The following DHX35 variants were observed in gnomAD, a reference collection of about 807,000 sequenced individuals.
DHX35 encodes the protein probable ATP-dependent RNA helicase DHX35.
A neutral mutation model predicts 99.6 loss-of-function variants in DHX35; 84 were observed. The observed-to-expected ratio is 0.84, with a 90% CI of 0.71 to 1.01. The LOEUF (loss-of-function observed/expected upper bound fraction) is 1.01. Among genes scored for constraint, DHX35 ranks in the 50% least tolerant of loss-of-function variants. The pLI is 0.00. For synonymous variants in DHX35, 331 were observed against 316.2 expected, an observed-to-expected ratio of 1.05 and a Z score of -0.50; for missense variants, 852 against 888.5, an observed-to-expected ratio of 0.96 and a Z score of 0.52.
intron 21 of DHX35, among the ~76,000 whole-genome samples, chr20:39,036,987 G>A (rs1005908916): frequency 1.3e-5 from 2 of 152,122 alleles, no homozygotes; most frequent in South Asian, 2.1e-4. Context: ...GATCATTCAC[G>A]GCTCTGTTCC....
chr20:39,006,481 TG>T, intron 12 of DHX35, 125 bp downstream of exon 12: 1 of 990,252 alleles, frequency 1.0e-6, no homozygotes, highest in African/African-American at 1.6e-5. Context: ...CACAAGGCCC[TG>T]TGTAATCAGA....
At chr20:38,965,324 A>G (rs1435720798) in intron 1 of DHX35, among the ~76,000 whole-genome samples, 1 of 152,238 alleles carries the variant, frequency 6.6e-6, no homozygotes, top group Non-Finnish European at 1.5e-5. Context: ...CAAGATATGA[A>G]GTAGGTTGTG....
chr20:39,007,915 AAC>A (rs1199343733), intron 12 of DHX35, among the ~76,000 whole-genome samples: 7 of 152,238 alleles, frequency 4.6e-5, no homozygotes, highest in African/African-American at 9.6e-5. Flanking sequence ...AAATTTACAT[AAC>A]ACAACATTAA....
At chr20:38,998,759 T>A (rs1022887337) in intron 8 of DHX35, among the ~76,000 whole-genome samples, 3 of 152,250 alleles carry the variant, frequency 2.0e-5, no homozygotes, top group Admixed American at 2.0e-4. Flanking sequence ...AAGATAAAGA[T>A]CTTAAAGGTC....
chr20:38,962,411 A>G lies in DHX35; in HGVS notation c.40+4A>G, dbSNP rs1451798325. The G allele has an allele frequency of 6.2e-7, 1 of 1,612,546 alleles. No individual in the cohort carries two copies. The highest frequency in any genetic ancestry group is 1.1e-5 in the South Asian group (1 of 90,878). On this transcript the variant is annotated splice_donor_region_variant and intron_variant, in intron 1 of 21. Coordinates refer to ENST00000252011, the MANE Select transcript of DHX35 (RefSeq NM_021931.4). ...CCGGTGAAGTTCTGGCGACCCGGTA[A>G]GGCCCTTGGTGGAACGCTGGGCAGA...
At position 39,038,851 on chromosome 20, in the gene DHX35, C is replaced by G. The variant is rs2087199428; in HGVS notation, c.*308C>G. The G allele has an allele frequency of 2.3e-6, 1 of 432,524 alleles. No homozygotes were observed. 26.8% of individuals were successfully genotyped at this position (432,524 alleles called of 1,614,324 possible). ...TTCCAGCAGGCATGCAGTCCTGGCC[C>G]AGCTCTATGGGAAACAAGGAGGAAA... On this transcript the variant is annotated 3_prime_UTR_variant, in exon 22 of 22. Coordinates refer to ENST00000252011, the MANE Select transcript of DHX35 (RefSeq NM_021931.4).
intron 13 of DHX35, 43 bp downstream of exon 13, chr20:39,010,447 G>C: frequency 6.2e-7 from 1 of 1,607,862 alleles, no homozygotes; most frequent in Non-Finnish European, 8.5e-7. Context: ...AGGCTAGGGA[G>C]CTCACAGGGG....
intron 11 of DHX35, among the ~76,000 whole-genome samples, chr20:39,004,215 A>G (rs2086574277): frequency 6.6e-6 from 1 of 151,976 alleles, no homozygotes; most frequent in Non-Finnish European, 1.5e-5. Context: ...GGCGCCCGCC[A>G]CCACACCCGG....
chr20:38,971,037 A>G (rs2145835545), intron 2 of DHX35, among the ~76,000 whole-genome samples: 1 of 152,290 alleles, frequency 6.6e-6, no homozygotes, highest in South Asian at 2.1e-4. Context: ...TTTCAAACAA[A>G]AAGTAAAAGT....
intron 17 of DHX35, 23 bp downstream of exon 17, chr20:39,023,790 G>A: frequency 6.2e-7 from 1 of 1,602,992 alleles, no homozygotes; most frequent in Middle Eastern, 1.7e-4. Flanking sequence ...ACTGCTCGAA[G>A]TGCCGCCTCA....
At chr20:38,982,052 A>G (rs937794370) in intron 3 of DHX35, among the ~76,000 whole-genome samples, 5 of 152,104 alleles carry the variant, frequency 3.3e-5, no homozygotes, top group African/African-American at 9.7e-5. Context: ...ATATGTATGA[A>G]TATTAAGCCA....
chr20:38,981,943 CA>C (rs1161300647), intron 3 of DHX35, among the ~76,000 whole-genome samples: 34,900 of 87,266 alleles, frequency 0.4, 3,388 homozygotes, highest in Middle Eastern at 0.57. Context: ...GACTCTGTCT[CA>C]AAAAAAAAAA....
intron 21 of DHX35, among the ~76,000 whole-genome samples, chr20:39,036,305 T>C (rs2087149690): frequency 6.6e-6 from 1 of 152,214 alleles, no homozygotes; most frequent in Non-Finnish European, 1.5e-5. Context: ...CTTCAGAAAT[T>C]TGAAGAAAAT....
intron 7 of DHX35, among the ~76,000 whole-genome samples, chr20:38,992,782 A>G (rs1201832025): frequency 6.6e-6 from 1 of 152,202 alleles, no homozygotes; most frequent in African/African-American, 2.4e-5. Flanking sequence ...TTTAATGGCT[A>G]TTTAATCACA....
chr20:39,036,726 CAAAAAAAAA>C (rs60032935), intron 21 of DHX35, among the ~76,000 whole-genome samples: 3 of 51,662 alleles, frequency 5.8e-5, no homozygotes, highest in African/African-American at 7.9e-5. Flanking sequence ...ACTGTCCCCC[CAAAAAAAAA>C]AAAAAAAAAA....
chr20:38,964,657 T>C (rs1416004879), intron 1 of DHX35, among the ~76,000 whole-genome samples: 1 of 152,120 alleles, frequency 6.6e-6, no homozygotes, highest in Non-Finnish European at 1.5e-5. Flanking sequence ...TCTCAATCTT[T>C]TGATCCCGTG....
Position 39,025,189 on chromosome 20 carries a change from A to G in DHX35, c.1672-41A>G, listed in dbSNP as rs777031077. Reference sequence around the variant, plus strand: ...TTACAACATAGCCTTAGTCGAGAACATATCTGTTTTCTAACTCCCTCTCTC... The same window carrying G: ...TTACAACATAGCCTTAGTCGAGAACGTATCTGTTTTCTAACTCCCTCTCTC... On this transcript the variant is annotated intron_variant, in intron 17 of 21. Transcript: ENST00000252011. 8.2e-6 allele frequency: 13 copies of G among 1,586,808 alleles called. No individual in the cohort carries two copies. In the East Asian group the frequency reaches 2.3e-4, roughly 27 times the overall value.
At chr20:38,989,161 G>A (rs2086296653) in intron 5 of DHX35, among the ~76,000 whole-genome samples, 1 of 145,710 alleles carries the variant, frequency 6.9e-6, no homozygotes, top group Admixed American at 7.0e-5. Context: ...GCGGTGGCAC[G>A]ATCTCTGCTT....
At chr20:38,962,777 T>C (rs2085854280) in intron 1 of DHX35, 2 of 267,392 alleles carry the variant, frequency 7.5e-6, no homozygotes, top group African/African-American at 2.3e-5. Flanking sequence ...TGCTGCTCGC[T>C]GCTGGAGGCT....
Sources: allele counts gnomAD v4.1 joint callset (sites outside exome capture counted in the v4.1 genomes callset), GRCh38; gene constraint gnomAD v4.1.1; transcripts MANE v1.5; gene names NCBI Gene and HGNC (gene_info 2026-07-23, HGNC 2026-07-21).